The following GOLGA5 variants were observed in gnomAD, a reference collection of about 807,000 sequenced individuals.
GOLGA5 encodes golgin subfamily A member 5.
Under a neutral mutation model 93.5 loss-of-function variants are expected in GOLGA5, and 50 were observed. The ratio of observed to expected loss-of-function variants is 0.53; its 90% confidence interval spans 0.43 to 0.68. GOLGA5 has a LOEUF of 0.68. Among genes scored for constraint, GOLGA5 ranks in the 30% least tolerant of loss-of-function variants. GOLGA5 has a pLI of 0.00. For synonymous variants in GOLGA5, 312 were observed against 304.5 expected (o/e 1.02, Z -0.26); for missense variants, 760 against 856.4 (o/e 0.89, Z 1.40).
At chr14:92,810,134 A>T in intron 4 of GOLGA5, 120 bp from the exon 5 acceptor site, 1 of 664,934 alleles carries the variant, frequency 1.5e-6, no homozygotes. Context: ...TTTATCTAAG[A>T]ATATTTCAGT....
intron 9 of GOLGA5, among the ~76,000 whole-genome samples, chr14:92,825,342 G>A (rs2140330263): frequency 6.6e-6 from 1 of 152,202 alleles, no homozygotes; most frequent in Admixed American, 6.5e-5. Context: ...TAAATGTTTT[G>A]AAATACTTTG....
At chr14:92,816,618 G>A (rs1218659947) in intron 7 of GOLGA5, among the ~76,000 whole-genome samples, 197 bp downstream of exon 7, 2 of 152,136 alleles carry the variant, frequency 1.3e-5, no homozygotes, top group Admixed American at 1.3e-4. Context: ...CCAGCCTGGA[G>A]TGGTGTGATC....
intron 11 of GOLGA5, among the ~76,000 whole-genome samples, chr14:92,835,964 C>T (rs1386059787): frequency 1.7e-5 from 1 of 60,078 alleles, no homozygotes; most frequent in Admixed American, 1.6e-4. Flanking sequence ...ATAATAAATT[C>T]TATTTTTAAA....
chr14:92,799,955 G>A (rs919084207), intron 2 of GOLGA5, among the ~76,000 whole-genome samples: 1 of 152,106 alleles, frequency 6.6e-6, no homozygotes, highest in Non-Finnish European at 1.5e-5. Context: ...TCATGTTCTT[G>A]GATGTTATAG....
rs945637530 is a variant in GOLGA5 at position 92,810,133 on chromosome 14, G to T, written c.993-121G>T. 1.5e-5 allele frequency: 10 copies of T among 659,422 alleles called. No individual in the cohort carries two copies. The East Asian group carries it at 2.9e-4, about 19-fold the overall frequency. The allele number at this position is 659,422 out of a possible 1,614,324, so 40.8% of individuals were successfully genotyped here. ...CATTAGAAAGGAAAGATTTATCTAA[G>T]AATATTTCAGTCAAATTATCTTTTT... On this transcript the variant is annotated intron_variant, in intron 4 of 12. Transcript: ENST00000163416.
At chr14:92,798,118 G>T in intron 2 of GOLGA5, 137 bp downstream of exon 2, 1 of 655,038 alleles carries the variant, frequency 1.5e-6, no homozygotes, top group Non-Finnish European at 2.6e-6. Flanking sequence ...CAAATGTGTG[G>T]TGTAAACAAG....
rs776264383 is a variant in GOLGA5, at chr14:92,810,261, C to G, written c.1000C>G (p.Gln334Glu). ...TGATGCATTTTCCTTTAGAATAATGCAGGATCAAAGTGAAGGTAACAGCCT... is the reference window on the plus strand; with the variant it reads ...TGATGCATTTTCCTTTAGAATAATGGAGGATCAAAGTGAAGGTAACAGCCT... Reference protein sequence around the residue: ...ALQSEKSRIMQDQSEGNSLQN... With the variant: ...ALQSEKSRIMEDQSEGNSLQN... Residue 334 changes from glutamine to glutamate, a missense_variant, in exon 5 of 13, where the codon CAG becomes GAG. By Grantham distance (29) the Gln-to-Glu change is conservative. Coordinates refer to ENST00000163416, the MANE Select transcript of GOLGA5 (RefSeq NM_005113.4). 4.4e-6 allele frequency: 7 copies of G among 1,600,686 alleles called. No individual in the cohort carries two copies. The South Asian group carries it at 7.8e-5, about 18-fold the overall frequency.
At chr14:92,799,443 AT>A (rs386382181) in intron 2 of GOLGA5, among the ~76,000 whole-genome samples, 43 of 131,248 alleles carry the variant, frequency 3.3e-4, no homozygotes, top group Non-Finnish European at 3.5e-4. Flanking sequence ...CGCCTGGCTA[AT>A]TTTTTTTTTT....
At chr14:92,831,547 A>AT (rs1885531011) in intron 9 of GOLGA5, among the ~76,000 whole-genome samples, 7 of 152,164 alleles carry the variant, frequency 4.6e-5, no homozygotes, top group Admixed American at 4.6e-4. Flanking sequence ...TGATGGAAAC[A>AT]TTGTTTGTTT....
intron 7 of GOLGA5, among the ~76,000 whole-genome samples, chr14:92,819,435 C>T: frequency 6.6e-6 from 1 of 151,552 alleles, no homozygotes; most frequent in Non-Finnish European, 1.5e-5. Context: ...TTGCAACCAG[C>T]CTGTGCAATA....
At position 92,797,684 on chromosome 14, in the gene GOLGA5, A is replaced by G; in HGVS notation, c.247A>G (p.Asn83Asp). 6.2e-7 allele frequency: 1 copy of G among 1,614,144 alleles called. No homozygotes were observed. Among genetic ancestry groups the G allele is most frequent in the East Asian group, 2.2e-5 (1 of 44,886 alleles). Reference protein sequence around the residue: ...QKATILAGTANVKVGSRTPVE... With the variant: ...QKATILAGTADVKVGSRTPVE... ...AGCCACCATCTTAGCTGGCACTGCA[A>G]ATGTGAAAGTAGGATCTCGGACACC... The change falls in exon 2 of 13, where the codon AAT becomes GAT. Residue 83 changes from asparagine to aspartate, a missense_variant. By Grantham distance (23) the Asn-to-Asp change is conservative (BLOSUM62 1). Coordinates refer to ENST00000163416, the MANE Select transcript of GOLGA5 (RefSeq NM_005113.4).
At chr14:92,830,751 C>A (rs570376182) in intron 9 of GOLGA5, among the ~76,000 whole-genome samples, 1 of 152,204 alleles carries the variant, frequency 6.6e-6, no homozygotes, top group Non-Finnish European at 1.5e-5. Context: ...AGGCATGCAC[C>A]ACCACACTCG....
rs376733867 is a variant in GOLGA5 at position 92,794,380 on chromosome 14, C to G, written c.-107C>G. Reference sequence around the variant, plus strand: ...GGAGGAGGTTTACTCAGCTTGGGCCCCCTCCGGGCCAGCCGCCGAGGGGGC... The same window carrying G: ...GGAGGAGGTTTACTCAGCTTGGGCCGCCTCCGGGCCAGCCGCCGAGGGGGC... On this transcript the variant is annotated 5_prime_UTR_variant, in exon 1 of 13. Coordinates refer to ENST00000163416, the MANE Select transcript of GOLGA5 (RefSeq NM_005113.4). The G allele has an allele frequency of 3.3e-5, 5 of 152,360 alleles. No homozygotes were observed. Among genetic ancestry groups the G allele is most frequent in the Admixed American group, 6.5e-5 (1 of 15,292 alleles). The allele number at this position is 152,360 out of a possible 1,614,324, so 9.4% of individuals were successfully genotyped here.
At position 92,828,665 on chromosome 14, in the gene GOLGA5, A is replaced by T. The variant is rs564697640; in HGVS notation, c.1719+4021A>T. Among the ~76,000 whole-genome samples the T allele has an allele frequency of 1.8e-4, 27 of 152,208 alleles. No individual in the cohort carries two copies. The Middle Eastern group carries it at 0.01, about 58-fold the overall frequency. On this transcript the variant is annotated intron_variant, in intron 9 of 12. Coordinates refer to ENST00000163416, the MANE Select transcript of GOLGA5 (RefSeq NM_005113.4). ...GTCTCATTATTTAATTAAATTAATT[A>T]ATTTATTTATTTTTATTTTTTGAGA...
intron 8 of GOLGA5, 147 bp downstream of exon 8, chr14:92,819,983 A>T: frequency 1.4e-6 from 1 of 699,766 alleles, no homozygotes; most frequent in Non-Finnish European, 2.4e-6. Flanking sequence ...TCTCATCTGA[A>T]GGGGTGGCCT....
Position 92,794,400 on chromosome 14 carries a change from G to A in GOLGA5, c.-87G>A, listed in dbSNP as rs991792051. ...GGGCCCCCTCCGGGCCAGCCGCCGAGGGGGCGCGGCCCAGGACGGCGGCTA... is the reference window on the plus strand; with the variant it reads ...GGGCCCCCTCCGGGCCAGCCGCCGAAGGGGCGCGGCCCAGGACGGCGGCTA... On this transcript the variant is annotated 5_prime_UTR_variant, in exon 1 of 13. Coordinates refer to ENST00000163416, the MANE Select transcript of GOLGA5 (RefSeq NM_005113.4). 2 of 152,322 alleles carry A rather than the reference G, an allele frequency of 1.3e-5. No individual in the cohort carries two copies. The highest frequency in any genetic ancestry group is 2.9e-5 in the Non-Finnish European group (2 of 68,106). The allele number at this position is 152,322 out of a possible 1,614,324, so 9.4% of individuals were successfully genotyped here.
intron 4 of GOLGA5, 54 bp downstream of exon 4, chr14:92,809,573 A>G: frequency 9.3e-7 from 1 of 1,071,690 alleles, no homozygotes. Flanking sequence ...TAAACATTGT[A>G]GTGTATCCAC....
rs1885105749 is a variant in GOLGA5, at chr14:92,811,713, G to C, written c.1279G>C (p.Glu427Gln). The C allele has an allele frequency of 9.9e-6, 16 of 1,613,120 alleles. No individual in the cohort carries two copies. Among genetic ancestry groups the C allele is most frequent in the Non-Finnish European group, 1.4e-5 (16 of 1,179,482 alleles). ...GTTGAACTTGGAGTCCTCTAAGCAG[G>C]AATTAATTGACTACAAGCAAAAAGC... ...YKLNLESSKQELIDYKQKATR... is the reference protein window; with the variant it reads ...YKLNLESSKQQLIDYKQKATR... Residue 427 changes from glutamate to glutamine, a missense_variant, in exon 6 of 13, where the codon GAA (glutamate) becomes CAA (glutamine). Glu to Gln is a conservative substitution (Grantham distance 29). Coordinates refer to ENST00000163416, the MANE Select transcript of GOLGA5 (RefSeq NM_005113.4).
At chr14:92,835,449 G>T (rs1885620763) in intron 10 of GOLGA5, 110 bp from the exon 11 acceptor site, 1 of 622,592 alleles carries the variant, frequency 1.6e-6, no homozygotes, top group Admixed American at 2.5e-5. Flanking sequence ...GTGATGCTTA[G>T]AAAGTTGCCC....
Sources: gnomAD v4.1 joint callset for allele counts (sites outside exome capture counted in the v4.1 genomes callset) on GRCh38, gnomAD v4.1.1 for gene constraint, MANE v1.5 for transcripts, NCBI Gene and HGNC (gene_info 2026-07-23, HGNC 2026-07-21) for gene names.